The following EPHX2 variants were observed in gnomAD, a reference collection of about 807,000 sequenced individuals.
EPHX2 encodes epoxide hydrolase 2, also known as bifunctional epoxide hydrolase 2.
In EPHX2, 74 loss-of-function variants were observed where a neutral mutation model predicts 78.7. The ratio of observed to expected loss-of-function variants is 0.94; its 90% CI spans 0.78 to 1.14. The LOEUF is 1.14. EPHX2 is among the 50% of genes most tolerant of loss of function. The pLI is 0.00. For synonymous variants in EPHX2, 251 were observed against 255.2 expected (o/e 0.98, Z 0.16); for missense variants, 715 against 702.5 (o/e 1.02, Z -0.20).
rs1324008666 is a variant in EPHX2 at position 27,505,076 on chromosome 8, T to C, written c.467T>C (p.Val156Ala). The C allele has an allele frequency of 6.2e-7, 1 of 1,613,796 alleles. No individual in the cohort carries two copies. The highest frequency in any genetic ancestry group is 1.3e-5 in the African/African-American group (1 of 74,862). ...GACTTCCTGATAGAGTCGTGTCAGG[T>C]GGGAATGGTCAAACCTGAACCTCAG... ...HFDFLIESCQ[V>A]GMVKPEPQIY... Residue 156 changes from valine (V) to alanine (A), a missense_variant, in exon 4 of 19, where the codon GTG becomes GCG. Transcript: ENST00000521400.
intron 12 of EPHX2, 132 bp from the exon 13 acceptor site, chr8:27,536,652 G>C: frequency 1.2e-6 from 1 of 810,248 alleles, no homozygotes; most frequent in Non-Finnish European, 2.0e-6. Flanking sequence ...AATTCAAATG[G>C]ATGCTATTCT....
intron 1 of EPHX2, among the ~76,000 whole-genome samples, chr8:27,498,015 G>T (rs145163043): frequency 1.3e-5 from 2 of 152,132 alleles, no homozygotes; most frequent in Non-Finnish European, 2.9e-5. Flanking sequence ...AGCTAAAGCC[G>T]CATTCTTTTC....
At chr8:27,536,918 T>G in intron 13 of EPHX2, 63 bp downstream of exon 13, 14 of 1,553,806 alleles carry the variant, frequency 9.0e-6, no homozygotes, top group Non-Finnish European at 1.2e-5. Flanking sequence ...GTAGGGTACC[T>G]AGTGTGTGGC....
intron 5 of EPHX2, among the ~76,000 whole-genome samples, chr8:27,508,946 CTTTTTTTT>C (rs34748947): frequency 0.012 from 773 of 64,264 alleles, 9 homozygotes; most frequent in African/African-American, 0.057. Flanking sequence ...CCCCATCCTG[CTTTTTTTT>C]TTTTTTTTTT....
chr8:27,523,311 A>G (rs1814715197), intron 11 of EPHX2, among the ~76,000 whole-genome samples: 1 of 152,236 alleles, frequency 6.6e-6, no homozygotes, highest in Admixed American at 6.5e-5. Context: ...CCAGCATGTC[A>G]TGGTCCCCAC....
Position 27,503,718 on chromosome 8 carries a change from A to T in EPHX2, c.301A>T (p.Ile101Phe). The change falls in exon 3 of 19, where the codon ATC becomes TTC. Residue 101 changes from isoleucine (I) to phenylalanine (F), a missense_variant. Coordinates refer to ENST00000521400, the MANE Select transcript of EPHX2 (RefSeq NM_001979.6). ...IFDKAISARK[I>F]NRPMLQAALM... Reference sequence around the variant, plus strand: ...TGACAAGGCGATTTCAGCCAGAAAGATCAACCGCCCCATGCTCCAGGCAGC... The same window carrying T: ...TGACAAGGCGATTTCAGCCAGAAAGTTCAACCGCCCCATGCTCCAGGCAGC... 1.2e-6 allele frequency: 2 copies of T among 1,613,710 alleles called. No individual in the cohort carries two copies. The highest frequency in any genetic ancestry group is 1.7e-6 in the Non-Finnish European group (2 of 1,179,992).
Position 27,517,063 on chromosome 8 carries a change from G to A in EPHX2, c.910+665G>A, listed in dbSNP as rs186335662. On this transcript the variant is annotated intron_variant, in intron 8 of 18. Transcript: ENST00000521400. ...GCCTCCCTAGTAGCTGGGATTACAC[G>A]TGTGTGCCACCACACCTGGCTAATT... Among the ~76,000 whole-genome samples, 230 of 152,030 alleles carry A rather than the reference G, an allele frequency of 1.5e-3. 1 individual carries two copies. The highest frequency in any genetic ancestry group is 5.3e-3 in the African/African-American group (218 of 41,456).
Position 27,525,368 on chromosome 8 carries a change from G to T in EPHX2, c.1065G>T (p.Val355=). The T allele has an allele frequency of 6.2e-7, 1 of 1,613,982 alleles. No individual in the cohort carries two copies. The highest frequency in any genetic ancestry group is 2.2e-5 in the East Asian group (1 of 44,858). Residue 355 remains valine (V), a synonymous_variant, in exon 12 of 19, where the codon GTG becomes GTT. Coordinates refer to ENST00000521400, the MANE Select transcript of EPHX2 (RefSeq NM_001979.6). ...ALFYPERVRA[V]ASLNTPFIPA... ...CTGCCTCTTATTTCTGTAGGGCGGTGGCCAGTTTGAATACTCCCTTCATAC... is the reference window on the plus strand; with the variant it reads ...CTGCCTCTTATTTCTGTAGGGCGGTTGCCAGTTTGAATACTCCCTTCATAC...
chr8:27,521,385 G>A (rs1209499215), intron 10 of EPHX2, among the ~76,000 whole-genome samples: 2 of 152,192 alleles, frequency 1.3e-5, no homozygotes, highest in Non-Finnish European at 2.9e-5. Flanking sequence ...TCCCAAGACT[G>A]CATGGTATAA....
chr8:27,527,909 G>C (rs911822255), intron 12 of EPHX2, among the ~76,000 whole-genome samples: 2 of 152,150 alleles, frequency 1.3e-5, no homozygotes, highest in African/African-American at 4.8e-5. Context: ...GAGGCTCAGA[G>C]GGCTTAACCC....
intron 5 of EPHX2, among the ~76,000 whole-genome samples, chr8:27,509,691 T>C (rs1008860209): frequency 6.6e-6 from 1 of 152,174 alleles, no homozygotes; most frequent in Non-Finnish European, 1.5e-5. Context: ...AATTCTATTT[T>C]TAAATGTTTG....
At chr8:27,532,646 G>C (rs1382302431) in intron 12 of EPHX2, among the ~76,000 whole-genome samples, 1 of 152,094 alleles carries the variant, frequency 6.6e-6, no homozygotes, top group African/African-American at 2.4e-5. Flanking sequence ...TCCTCAGCTT[G>C]TAGACACATC....
At chr8:27,503,810 C>T (rs1282167788) in intron 3 of EPHX2, 47 bp downstream of exon 3, 2 of 1,579,604 alleles carry the variant, frequency 1.3e-6, no homozygotes, top group Non-Finnish European at 1.7e-6. Context: ...ACCCAGAACC[C>T]TCGGGAGCAT....
At chr8:27,525,093 TGTGTGTGTGTGTGTGCGCGC>T (rs1263912124) in intron 11 of EPHX2, among the ~76,000 whole-genome samples, 4 of 145,460 alleles carry the variant, frequency 2.7e-5, no homozygotes, top group Non-Finnish European at 6.0e-5. Context: ...TGTGTGTGTG[TGTGTGTGTGTGTGTGCGCGC>T]GCGCGCGCGC....
intron 12 of EPHX2, among the ~76,000 whole-genome samples, chr8:27,532,345 T>C (rs958416519): frequency 2.6e-5 from 4 of 152,218 alleles, no homozygotes; most frequent in Admixed American, 1.3e-4. Flanking sequence ...TTCTGACTCT[T>C]TTTAATCTAC....
At chr8:27,542,442 T>C (rs1815432381) in intron 16 of EPHX2, among the ~76,000 whole-genome samples, 1 of 152,130 alleles carries the variant, frequency 6.6e-6, no homozygotes, top group African/African-American at 2.4e-5. Flanking sequence ...AAGGATGAAA[T>C]GGTTGAAGGC....
chr8:27,517,160 ATTTC>A (rs1416222143), intron 8 of EPHX2, among the ~76,000 whole-genome samples: 2 of 151,512 alleles, frequency 1.3e-5, no homozygotes, highest in African/African-American at 4.9e-5. Context: ...TTCATGAATT[ATTTC>A]TTTGATAATT....
chr8:27,533,175 A>G lies in EPHX2; in HGVS notation c.1171-3609A>G, dbSNP rs1169943948. ...TAATATTTATTGGCATGCCTCCTGC[A>G]TGTCAGGCATTGTAAGAAATGGGCA... On this transcript the variant is annotated intron_variant, in intron 12 of 18. Coordinates refer to ENST00000521400, the MANE Select transcript of EPHX2 (RefSeq NM_001979.6). Among the ~76,000 whole-genome samples the G allele has an allele frequency of 2.0e-5, 3 of 152,206 alleles. No individual in the cohort carries two copies. In the East Asian group the frequency reaches 5.8e-4, roughly 29 times the overall value.
At chr8:27,517,714 C>T (rs998365819) in intron 8 of EPHX2, among the ~76,000 whole-genome samples, 3 of 152,190 alleles carry the variant, frequency 2.0e-5, no homozygotes, top group Non-Finnish European at 4.4e-5. Context: ...CTTTATCTTA[C>T]ACCACACACA....
Sources: gnomAD v4.1 joint callset for allele counts (sites outside exome capture counted in the v4.1 genomes callset) on GRCh38, gnomAD v4.1.1 for gene constraint, MANE v1.5 for transcripts, NCBI Gene and HGNC (gene_info 2026-07-23, HGNC 2026-07-21) for gene names.